BBOX1: variants seen among roughly 807,000 people sequenced by gnomAD.
The protein encoded by BBOX1 is gamma-butyrobetaine hydroxylase 1, also known as gamma-butyrobetaine dioxygenase.
Under a neutral mutation model 41.6 loss-of-function variants are expected in BBOX1, and 35 were observed. The observed-to-expected ratio is 0.84, with a 90% CI of 0.64 to 1.11. BBOX1 has a LOEUF of 1.11. BBOX1 is among the 50% of genes most tolerant of loss of function. BBOX1 has a pLI of 0.00. For synonymous variants in BBOX1, 163 were observed against 154.7 expected, an observed-to-expected ratio of 1.05 and a Z score of -0.40; for missense variants, 458 against 460.6, an observed-to-expected ratio of 0.99 and a Z score of 0.05.
intron 4 of BBOX1, among the ~76,000 whole-genome samples, chr11:27,088,672 C>T (rs1858129730): frequency 6.6e-6 from 1 of 151,880 alleles, no homozygotes; most frequent in South Asian, 2.1e-4. Flanking sequence ...TAAAAATACC[C>T]ATGATGATAG....
At chr11:27,049,543 C>A (rs1365315580) in intron 2 of BBOX1, among the ~76,000 whole-genome samples, 1 of 152,080 alleles carries the variant, frequency 6.6e-6, no homozygotes, top group African/African-American at 2.4e-5. Context: ...TACCACTGCA[C>A]CCAGCTGCCC....
chr11:27,093,542 A>C (rs1858326153), intron 5 of BBOX1, among the ~76,000 whole-genome samples, 176 bp downstream of exon 5: 1 of 152,046 alleles, frequency 6.6e-6, no homozygotes, highest in Non-Finnish European at 1.5e-5. Context: ...ATTTTTTAAG[A>C]GACCAAAAGC....
At chr11:27,086,572 A>G (rs140273539) in intron 4 of BBOX1, among the ~76,000 whole-genome samples, 45 of 152,282 alleles carry the variant, frequency 3.0e-4, no homozygotes, top group African/African-American at 1.1e-3. Flanking sequence ...GTAACTAGTC[A>G]TTCAAAAGCT....
At chr11:27,112,796 AT>A (rs1299021864) in intron 5 of BBOX1, among the ~76,000 whole-genome samples, 2 of 152,032 alleles carry the variant, frequency 1.3e-5, no homozygotes, top group African/African-American at 4.8e-5. Context: ...AAAAACAAAA[AT>A]TGACAAATAG....
At chr11:27,043,314 C>T (rs547287388) in intron 2 of BBOX1, among the ~76,000 whole-genome samples, 18 of 151,490 alleles carry the variant, frequency 1.2e-4, no homozygotes, top group Non-Finnish European at 2.5e-4. Flanking sequence ...CCACCCACCT[C>T]AGCCTCCCAA....
At chr11:27,073,029 A>G (rs1406366424) in intron 4 of BBOX1, among the ~76,000 whole-genome samples, 2 of 152,184 alleles carry the variant, frequency 1.3e-5, no homozygotes, top group Admixed American at 1.3e-4. Context: ...CTAAAACACC[A>G]AAAGCAATGG....
intron 4 of BBOX1, among the ~76,000 whole-genome samples, chr11:27,068,583 CATTT>C (rs1216060614): frequency 6.6e-6 from 1 of 151,726 alleles, no homozygotes; most frequent in Non-Finnish European, 1.5e-5. Context: ...AATAAGTCCC[CATTT>C]ATTTATGTAT....
chr11:27,122,766 C>T (rs1196698776), intron 7 of BBOX1, among the ~76,000 whole-genome samples: 1 of 151,772 alleles, frequency 6.6e-6, no homozygotes, highest in Non-Finnish European at 1.5e-5. Flanking sequence ...TGTGGAAGAT[C>T]ATTTTAAAAG....
At chr11:27,102,492 G>A (rs139800992) in intron 5 of BBOX1, among the ~76,000 whole-genome samples, 4 of 152,096 alleles carry the variant, frequency 2.6e-5, no homozygotes, top group African/African-American at 9.6e-5. Context: ...TTCCCCAAGT[G>A]TAATGGCTTT....
chr11:27,057,063 T>TAAAAAAAAAAA lies in BBOX1; in HGVS notation c.220-138_220-137insAAAAAAAAAAA, dbSNP rs1459422645. The TAAAAAAAAAAA allele has an allele frequency of 3.6e-3, 537 of 149,692 alleles. 119 individuals are homozygous for TAAAAAAAAAAA. Among genetic ancestry groups the TAAAAAAAAAAA allele is most frequent in the African/African-American group, 0.031 (484 of 15,740 alleles). 9.3% of individuals were successfully genotyped at this position (149,692 alleles called of 1,614,324 possible). A position where few individuals can be genotyped will look rare whatever the true frequency, so the allele number is the denominator to read the frequency against. ...CCTGGCAACAGAGGAAGACTCCGAC[T>TAAAAAAAAAAA]TAAAAAAAAAAAAAAAAAAAAATTA... On this transcript the variant is annotated intron_variant, in intron 3 of 8. Transcript: ENST00000263182.
intron 2 of BBOX1, among the ~76,000 whole-genome samples, chr11:27,043,403 T>C (rs1184565596): frequency 6.6e-6 from 1 of 151,812 alleles, no homozygotes; most frequent in Non-Finnish European, 1.5e-5. Context: ...CTGGGGTACA[T>C]GTGCAGAATG....
intron 4 of BBOX1, among the ~76,000 whole-genome samples, chr11:27,090,779 A>T (rs759794611): frequency 5.3e-5 from 8 of 151,780 alleles, no homozygotes; most frequent in Non-Finnish European, 8.8e-5. Context: ...CATAAAACAG[A>T]CATTCCCAGA....
At chr11:27,071,445 T>G (rs2133993807) in intron 4 of BBOX1, among the ~76,000 whole-genome samples, 1 of 151,716 alleles carries the variant, frequency 6.6e-6, no homozygotes, top group African/African-American at 2.4e-5. Context: ...GGTGATATTG[T>G]TTGGCTCTGC....
chr11:27,067,492 T>G (rs1020353888), intron 4 of BBOX1, among the ~76,000 whole-genome samples: 4 of 151,976 alleles, frequency 2.6e-5, no homozygotes, highest in African/African-American at 9.7e-5. Context: ...CCCAGGATTT[T>G]GGGAGGCCAA....
chr11:27,113,133 T>C (rs1859135498), intron 5 of BBOX1, among the ~76,000 whole-genome samples: 1 of 151,774 alleles, frequency 6.6e-6, no homozygotes, highest in Non-Finnish European at 1.5e-5. Flanking sequence ...GAATGGCTAT[T>C]ATAAAAAGTT....
chr11:27,042,124 T>C (rs1851362100), intron 2 of BBOX1, among the ~76,000 whole-genome samples: 1 of 152,214 alleles, frequency 6.6e-6, no homozygotes, highest in African/African-American at 2.4e-5. Context: ...TTAAATAATT[T>C]AGAAATTTTC....
intron 4 of BBOX1, among the ~76,000 whole-genome samples, chr11:27,081,577 G>A (rs1438336915): frequency 6.6e-6 from 1 of 152,080 alleles, no homozygotes; most frequent in Non-Finnish European, 1.5e-5. Flanking sequence ...ACATAGTAAT[G>A]GGATTGCTGG....
chr11:27,096,082 T>C (rs1438616341), intron 5 of BBOX1, among the ~76,000 whole-genome samples: 2 of 152,004 alleles, frequency 1.3e-5, no homozygotes, highest in African/African-American at 4.8e-5. Flanking sequence ...CAGCCAAGGT[T>C]GAGAACCTCT....
intron 4 of BBOX1, among the ~76,000 whole-genome samples, chr11:27,087,234 A>T (rs1395376348): frequency 6.6e-6 from 1 of 152,120 alleles, no homozygotes; most frequent in African/African-American, 2.4e-5. Context: ...AAACAGCATC[A>T]CATACTACAA....
Sources: gnomAD v4.1 joint callset for allele counts (sites outside exome capture counted in the v4.1 genomes callset) on GRCh38, gnomAD v4.1.1 for gene constraint, MANE v1.5 for transcripts, NCBI Gene and HGNC (gene_info 2026-07-23, HGNC 2026-07-21) for gene names.